EPHB1: variants seen among roughly 807,000 people sequenced by gnomAD.
The protein encoded by EPHB1 is EPH receptor B1.
A neutral mutation model predicts 94.4 loss-of-function variants in EPHB1; 30 were observed. The observed-to-expected ratio is 0.32, with a 90% confidence interval of 0.24 to 0.43. The LOEUF (loss-of-function observed/expected upper bound fraction) is 0.43, where lower values mean the gene tolerates loss of function less well. EPHB1 is among the 20% of genes least tolerant of loss of function. EPHB1 has a pLI of 1.00. For synonymous variants in EPHB1, 522 were observed against 489.1 expected, an observed-to-expected ratio of 1.07 and a Z score of -0.89; for missense variants, 1,055 against 1,308.3, an observed-to-expected ratio of 0.81 and a Z score of 2.99.
At chr3:134,921,801 C>T (rs965842597) in intron 1 of EPHB1, among the ~76,000 whole-genome samples, 4 of 152,232 alleles carry the variant, frequency 2.6e-5, no homozygotes, top group Admixed American at 2.6e-4. Flanking sequence ...CTCACCTTCT[C>T]CCCTCATAAT....
chr3:134,964,140 G>A (rs1933635266), intron 3 of EPHB1, among the ~76,000 whole-genome samples: 1 of 152,186 alleles, frequency 6.6e-6, no homozygotes, highest in Non-Finnish European at 1.5e-5. Flanking sequence ...AGGAGAATAT[G>A]AGCTGAGAAG....
chr3:134,891,268 C>T (rs1371367567), intron 1 of EPHB1, among the ~76,000 whole-genome samples: 1 of 152,158 alleles, frequency 6.6e-6, no homozygotes, highest in Non-Finnish European at 1.5e-5. Context: ...CGCCACCATG[C>T]CCAGCTAATT....
At chr3:134,869,897 A>G (rs540856455) in intron 1 of EPHB1, among the ~76,000 whole-genome samples, 7 of 152,320 alleles carry the variant, frequency 4.6e-5, no homozygotes, top group African/African-American at 7.2e-5. Flanking sequence ...TACAGCTGGC[A>G]AACAGGTGTG....
chr3:135,134,011 G>A (rs1385233447), intron 5 of EPHB1, among the ~76,000 whole-genome samples: 1 of 152,208 alleles, frequency 6.6e-6, no homozygotes, highest in African/African-American at 2.4e-5. Flanking sequence ...TAGATACAAA[G>A]CACAAAGCTG....
At chr3:134,844,944 C>T (rs1481698595) in intron 1 of EPHB1, among the ~76,000 whole-genome samples, 1 of 152,152 alleles carries the variant, frequency 6.6e-6, no homozygotes. Flanking sequence ...GAGTTTCCTC[C>T]CCTACTTACC....
intron 1 of EPHB1, among the ~76,000 whole-genome samples, chr3:134,829,753 T>C (rs2036547336): frequency 6.6e-6 from 1 of 152,196 alleles, no homozygotes; most frequent in African/African-American, 2.4e-5. Flanking sequence ...GAGGTCATAC[T>C]GGAATAGGAT....
At chr3:135,076,486 A>G (rs1937926330) in intron 3 of EPHB1, among the ~76,000 whole-genome samples, 1 of 152,186 alleles carries the variant, frequency 6.6e-6, no homozygotes, top group African/African-American at 2.4e-5. Context: ...AGTCTTATAC[A>G]ATACTGCTGG....
intron 10 of EPHB1, among the ~76,000 whole-genome samples, chr3:135,185,810 G>C (rs1279130671): frequency 1.3e-5 from 2 of 152,168 alleles, no homozygotes; most frequent in Non-Finnish European, 2.9e-5. Context: ...ATGGCATTTT[G>C]GAATACCCAT....
chr3:135,116,073 G>T (rs550808444), intron 4 of EPHB1, among the ~76,000 whole-genome samples: 1 of 152,224 alleles, frequency 6.6e-6, no homozygotes, highest in East Asian at 1.9e-4. Flanking sequence ...AATTAGCCAG[G>T]CATGGTGGCA....
chr3:135,119,274 C>T (rs2107805112), intron 4 of EPHB1, among the ~76,000 whole-genome samples: 1 of 152,182 alleles, frequency 6.6e-6, no homozygotes, highest in South Asian at 2.1e-4. Flanking sequence ...TTATTTTTAA[C>T]TCTGTGGATA....
At chr3:135,193,105 TCA>T (rs1388419948) in intron 11 of EPHB1, among the ~76,000 whole-genome samples, 2 of 152,184 alleles carry the variant, frequency 1.3e-5, no homozygotes, top group African/African-American at 4.8e-5. Flanking sequence ...TCTGCATGAA[TCA>T]CAGAGATTGA....
intron 3 of EPHB1, among the ~76,000 whole-genome samples, chr3:134,981,050 AG>A: frequency 6.6e-6 from 1 of 152,326 alleles, no homozygotes; most frequent in South Asian, 2.1e-4. Context: ...CAGACCTTAC[AG>A]GATCATCTTT....
intron 1 of EPHB1, among the ~76,000 whole-genome samples, chr3:134,889,727 G>T (rs530861674): frequency 4.0e-5 from 6 of 150,670 alleles, no homozygotes; most frequent in Non-Finnish European, 8.9e-5. Context: ...GCCCAGGCTG[G>T]TGTGCACTGG....
At chr3:134,988,453 G>T (rs1460185106) in intron 3 of EPHB1, among the ~76,000 whole-genome samples, 1 of 152,126 alleles carries the variant, frequency 6.6e-6, no homozygotes, top group South Asian at 2.1e-4. Context: ...CTAATCAAAT[G>T]AGTAAACATA....
chr3:135,246,803 G>A (rs1462762676), intron 13 of EPHB1, among the ~76,000 whole-genome samples: 1 of 152,134 alleles, frequency 6.6e-6, no homozygotes, highest in Non-Finnish European at 1.5e-5. Flanking sequence ...TAAAATTGAT[G>A]TGGTTTGTAT....
chr3:134,993,393 C>T (rs1356208510), intron 3 of EPHB1, among the ~76,000 whole-genome samples: 2 of 152,186 alleles, frequency 1.3e-5, no homozygotes, highest in Non-Finnish European at 2.9e-5. Flanking sequence ...AGAGAGCCTC[C>T]TAAGTCACCA....
At chr3:134,966,295 G>T (rs1578237723) in intron 3 of EPHB1, among the ~76,000 whole-genome samples, 1 of 152,214 alleles carries the variant, frequency 6.6e-6, no homozygotes, top group Non-Finnish European at 1.5e-5. Flanking sequence ...GAGCCAGTGA[G>T]GAAAGGGACA....
rs1273947361 is a variant in EPHB1 at position 135,027,519 on chromosome 3, A to T, written c.805+75467A>T. ...TCTGTTTATATGCTGGATTACATTT[A>T]TTGATTTGCGTATATTGAACCAGCC... is the stretch of plus-strand genomic sequence containing the variant. On this transcript the variant is annotated intron_variant, in intron 3 of 15. Coordinates refer to ENST00000398015, the MANE Select transcript of EPHB1 (RefSeq NM_004441.5). Among the ~76,000 whole-genome samples, 477 of 149,042 alleles carry T rather than the reference A, an allele frequency of 3.2e-3. 3 individuals are homozygous for T. The highest frequency in any genetic ancestry group is 0.017 in the Middle Eastern group (5 of 292).
chr3:135,002,937 G>T (rs1935238427), intron 3 of EPHB1, among the ~76,000 whole-genome samples: 3 of 151,976 alleles, frequency 2.0e-5, no homozygotes, highest in Non-Finnish European at 4.4e-5. Flanking sequence ...TTTTTGAAGG[G>T]TTTTTTGTGT....
Sources: allele counts gnomAD v4.1 joint callset (sites outside exome capture counted in the v4.1 genomes callset), GRCh38; gene constraint gnomAD v4.1.1; transcripts MANE v1.5; gene names NCBI Gene and HGNC (gene_info 2026-07-23, HGNC 2026-07-21).